OSBP2: variants seen among roughly 807,000 people sequenced by gnomAD.
OSBP2 encodes oxysterol-binding protein 2.
In OSBP2, 66 loss-of-function variants were observed where a neutral mutation model predicts 96.0. The ratio of observed to expected loss-of-function variants is 0.69; its 90% CI spans 0.56 to 0.84. The LOEUF is 0.84. OSBP2 is among the 40% of genes least tolerant of loss of function. OSBP2 has a pLI of 0.00. For missense variants in OSBP2, 1,038 were observed against 1,222.7 expected (o/e 0.85, Z 2.25); for synonymous variants, 525 against 520.9 (o/e 1.01, Z -0.11).
chr22:30,766,358 C>G (rs2090269459), intron 2 of OSBP2, among the ~76,000 whole-genome samples: 1 of 152,230 alleles, frequency 6.6e-6, no homozygotes, highest in Admixed American at 6.5e-5. Flanking sequence ...CTCTCAGCAG[C>G]TCAAGGTGCA....
intron 2 of OSBP2, among the ~76,000 whole-genome samples, chr22:30,830,037 T>C (rs751436553): frequency 3.2e-4 from 49 of 152,294 alleles, no homozygotes; most frequent in Admixed American, 7.8e-4. Context: ...GAGCTGGGAC[T>C]GAGGGGTTTG....
intron 1 of OSBP2, among the ~76,000 whole-genome samples, chr22:30,739,624 G>A (rs190204198): frequency 6.6e-6 from 1 of 152,000 alleles, no homozygotes. Flanking sequence ...ACAGGTGCAC[G>A]CTACCATGCC....
intron 1 of OSBP2, among the ~76,000 whole-genome samples, chr22:30,704,066 G>C (rs1347749794): frequency 6.6e-6 from 1 of 152,168 alleles, no homozygotes; most frequent in Non-Finnish European, 1.5e-5. Context: ...ACGCAAAGGT[G>C]TCCACCCACC....
At position 30,810,640 on chromosome 22, in the gene OSBP2, C is replaced by T. The variant is rs141323725; in HGVS notation, c.854-59789C>T. On this transcript the variant is annotated intron_variant, in intron 2 of 13. Coordinates refer to ENST00000332585, the MANE Select transcript of OSBP2 (RefSeq NM_030758.4). The stretch of plus-strand genomic sequence containing the variant: ...AAGACAGGTACTATACCTGAGCCCC[C>T]GCCCCCACACCTGGTTGCAGCTGTG... 5.7e-3 allele frequency among the ~76,000 whole-genome samples: 872 copies of T among 152,296 alleles called. 12 individuals are homozygous for T. The highest frequency in any genetic ancestry group is 0.019 in the African/African-American group (788 of 41,556).
chr22:30,736,065 C>T (rs1046758989), intron 1 of OSBP2, among the ~76,000 whole-genome samples: 3 of 152,064 alleles, frequency 2.0e-5, no homozygotes, highest in Admixed American at 6.6e-5. Flanking sequence ...AGCTACACAC[C>T]ACCATGCCCA....
intron 2 of OSBP2, among the ~76,000 whole-genome samples, chr22:30,824,624 G>A (rs558501914): frequency 6.6e-6 from 1 of 152,112 alleles, no homozygotes; most frequent in Non-Finnish European, 1.5e-5. Flanking sequence ...TTGTGTCCTC[G>A]TCCCCAGCAT....
At chr22:30,726,606 C>T (rs1003614201) in intron 1 of OSBP2, among the ~76,000 whole-genome samples, 2 of 151,784 alleles carry the variant, frequency 1.3e-5, no homozygotes, top group Admixed American at 6.6e-5. Context: ...AGTAACAAAC[C>T]TGCACGTTCT....
intron 9 of OSBP2, 74 bp downstream of exon 9, chr22:30,893,316 A>C (rs1418301090): frequency 1.2e-6 from 2 of 1,603,308 alleles, no homozygotes; most frequent in Non-Finnish European, 1.7e-6. Context: ...GTGATGCAAA[A>C]GCCAGCTGGG....
chr22:30,891,117 C>A (rs2039938736), intron 8 of OSBP2, 144 bp downstream of exon 8: 1 of 1,052,660 alleles, frequency 9.5e-7, no homozygotes. Flanking sequence ...TGAGGTCCAG[C>A]CAGGGAGCAG....
chr22:30,836,149 T>C (rs2038627950), intron 2 of OSBP2, among the ~76,000 whole-genome samples: 2 of 152,216 alleles, frequency 1.3e-5, no homozygotes, highest in Non-Finnish European at 2.9e-5. Flanking sequence ...TGGGTCTGTT[T>C]GGGGTGCTCG....
Position 30,847,229 on chromosome 22 carries a change from C to G in OSBP2, c.854-23200C>G, listed in dbSNP as rs866602167. 2.0e-5 allele frequency among the ~76,000 whole-genome samples: 3 copies of G among 151,390 alleles called. No homozygotes were observed. The East Asian group carries it at 5.8e-4, about 29-fold the overall frequency. ...CTGAACTCAGGTGATCTTCTTACCTCGGCCTCCCAAAGTGCTGGAATTACA... is the reference window on the plus strand; with the variant it reads ...CTGAACTCAGGTGATCTTCTTACCTGGGCCTCCCAAAGTGCTGGAATTACA... On this transcript the variant is annotated intron_variant, in intron 2 of 13. Transcript: ENST00000332585.
At chr22:30,807,723 G>C (rs1043641589) in intron 2 of OSBP2, among the ~76,000 whole-genome samples, 1 of 152,126 alleles carries the variant, frequency 6.6e-6, no homozygotes, top group African/African-American at 2.4e-5. Flanking sequence ...AGCTTCCTGA[G>C]TTTTCTTTCC....
At chr22:30,803,846 G>A (rs2090890299) in intron 2 of OSBP2, among the ~76,000 whole-genome samples, 1 of 152,102 alleles carries the variant, frequency 6.6e-6, no homozygotes, top group Non-Finnish European at 1.5e-5. Flanking sequence ...TTCCCAGCAA[G>A]CAAAAGGGAT....
At chr22:30,741,093 A>T (rs2089931704) in intron 1 of OSBP2, 68 bp from the exon 2 acceptor site, 1 of 1,239,652 alleles carries the variant, frequency 8.1e-7, no homozygotes, top group Non-Finnish European at 1.2e-6. Context: ...ATTTGCCTGG[A>T]GGGTTTCTTT....
chr22:30,792,250 T>C (rs569455088), intron 2 of OSBP2, among the ~76,000 whole-genome samples: 22 of 152,080 alleles, frequency 1.4e-4, no homozygotes, highest in African/African-American at 4.3e-4. Context: ...GAGGTGGAGC[T>C]TGCAGTGAAT....
chr22:30,882,472 T>G (rs1413102839), intron 3 of OSBP2, among the ~76,000 whole-genome samples: 1 of 150,950 alleles, frequency 6.6e-6, no homozygotes, highest in African/African-American at 2.4e-5. Flanking sequence ...TCAGTCACCC[T>G]GAGCCTTCAT....
chr22:30,730,837 T>G (rs2089767640), intron 1 of OSBP2, among the ~76,000 whole-genome samples: 1 of 137,982 alleles, frequency 7.2e-6, no homozygotes. Flanking sequence ...ATGGACATTT[T>G]TGGGGAAGGG....
chr22:30,730,937 G>A (rs1402746925), intron 1 of OSBP2, among the ~76,000 whole-genome samples: 1 of 150,238 alleles, frequency 6.7e-6, no homozygotes, highest in Non-Finnish European at 1.5e-5. Context: ...CACTTTGGGT[G>A]GCCGAGGCAG....
rs531746398 is a variant in OSBP2, at chr22:30,836,418, C to T, written c.854-34011C>T. 3.9e-5 allele frequency among the ~76,000 whole-genome samples: 6 copies of T among 152,252 alleles called. No homozygotes were observed. In the South Asian group the frequency reaches 1.0e-3, roughly 26 times the overall value. ...ACCCTTAGCCTCTGAATTCTGCTTC[C>T]CTTAATGGCAAGCACATACAAAGCT... On this transcript the variant is annotated intron_variant, in intron 2 of 13. Transcript: ENST00000332585.
Sources: allele counts gnomAD v4.1 joint callset (sites outside exome capture counted in the v4.1 genomes callset), GRCh38; gene constraint gnomAD v4.1.1; transcripts MANE v1.5; gene names NCBI Gene and HGNC (gene_info 2026-07-23, HGNC 2026-07-21).